Variants in TMEM100 observed in about 807,000 individuals in gnomAD.
TMEM100 encodes the protein transmembrane protein 100.
For missense variants in TMEM100, 137 were observed against 168.2 expected, an observed-to-expected ratio of 0.81 and a Z score of 1.02; for synonymous variants, 61 against 67.1, an observed-to-expected ratio of 0.91 and a Z score of 0.44.
Position 55,721,149 on chromosome 17 carries a change from A to G in TMEM100, c.-65-14T>C. The G allele has an allele frequency of 1.3e-6, 2 of 1,482,132 alleles. No homozygotes were observed. Among genetic ancestry groups the G allele is most frequent in the Non-Finnish European group, 1.8e-6 (2 of 1,101,996 alleles). The allele number at this position is 1,482,132 out of a possible 1,614,324, so 91.8% of individuals were successfully genotyped here. A position where few individuals can be genotyped will look rare whatever the true frequency, so the allele number is the denominator to read the frequency against. The stretch of plus-strand genomic sequence containing the variant: ...CCAGGGTGAAAGCTGTGAAGATAAC[A>G]GGAGATGTCAGCTACATGTATCAGA... On this transcript the variant is annotated splice_polypyrimidine_tract_variant and intron_variant, in intron 1 of 1. Coordinates refer to ENST00000424486, the MANE Select transcript of TMEM100 (RefSeq NM_018286.3).
At chr17:55,722,454 T>G (rs1908924402) in intron 1 of TMEM100, 165 bp downstream of exon 1, 1 of 152,248 alleles carries the variant, frequency 6.6e-6, no homozygotes, top group African/African-American at 2.4e-5. Flanking sequence ...CATGTCATTT[T>G]TAATCACCAA....
chr17:55,725,055 T>C (rs1490979494), upstream of TMEM100, among the ~76,000 whole-genome samples: 1 of 152,244 alleles, frequency 6.6e-6, no homozygotes, highest in Non-Finnish European at 1.5e-5. Flanking sequence ...AAGCAGACAT[T>C]GTATCAGAAG....
intron 1 of TMEM100, 123 bp from the exon 2 acceptor site, chr17:55,721,258 C>T (rs1432023809): frequency 1.6e-6 from 1 of 630,890 alleles, no homozygotes; most frequent in East Asian, 2.9e-5. Flanking sequence ...AGCAACTTTA[C>T]TCTTTTTTTG....
At chr17:55,726,790 T>C (rs1002913709), upstream of TMEM100, among the ~76,000 whole-genome samples, 1 of 152,178 alleles carries the variant, frequency 6.6e-6, no homozygotes. Flanking sequence ...TTTTGGAAAG[T>C]GATCTGTGCT....
chr17:55,729,253 T>C (rs764888811), intron 1 of TMEM100, among the ~76,000 whole-genome samples: 3 of 152,180 alleles, frequency 2.0e-5, no homozygotes, highest in Non-Finnish European at 4.4e-5. Context: ...AATGGGCACC[T>C]GATATTGGCA....
At chr17:55,727,027 C>T (rs1198418121), upstream of TMEM100, among the ~76,000 whole-genome samples, 1 of 152,142 alleles carries the variant, frequency 6.6e-6, no homozygotes, top group Non-Finnish European at 1.5e-5. Context: ...GGGAAACATA[C>T]ATCTTTTAGA....
upstream of TMEM100, among the ~76,000 whole-genome samples, chr17:55,723,901 T>C (rs1476205425): frequency 6.6e-6 from 1 of 152,258 alleles, no homozygotes; most frequent in Non-Finnish European, 1.5e-5. Context: ...AGTGACTTTA[T>C]AGGTTTATGC....
chr17:55,727,929 G>C (rs1007037782), exon 2 of TMEM100: 2 of 152,186 alleles, frequency 1.3e-5, no homozygotes, highest in Non-Finnish European at 2.9e-5. Flanking sequence ...TTAAGTTGCA[G>C]GCTTGGTAAG....
intron 1 of TMEM100, among the ~76,000 whole-genome samples, chr17:55,731,498 T>G (rs953942929): frequency 6.6e-6 from 1 of 152,190 alleles, no homozygotes; most frequent in Non-Finnish European, 1.5e-5. Flanking sequence ...GATACTTCAT[T>G]ATTCTTTTCT....
chr17:55,721,379 G>C (rs1462856645), intron 1 of TMEM100: 2 of 269,286 alleles, frequency 7.4e-6, no homozygotes, highest in African/African-American at 2.2e-5. Context: ...TACCCTGGCG[G>C]TCTACAAAAG....
At position 55,720,954 on chromosome 17, in the gene TMEM100, C is replaced by T; in HGVS notation, c.117G>A (p.Glu39=). The change falls in exon 2 of 2, where the codon GAG becomes GAA. Residue 39 remains glutamate (E), a synonymous_variant. Coordinates refer to ENST00000424486, the MANE Select transcript of TMEM100 (RefSeq NM_018286.3). ...VVITTVPLVS[E]IQLMAATGGT... ...CCCCTGTAGCAGCCATCAACTGAAT[C>T]TCACTGACCAGAGGGACTGTGGTGA... 1 of 1,614,220 alleles carries T rather than the reference C, an allele frequency of 6.2e-7. No individual in the cohort carries two copies. The highest frequency in any genetic ancestry group is 8.5e-7 in the Non-Finnish European group (1 of 1,180,042).
At chr17:55,723,099 T>G (rs1482594394), upstream of TMEM100, 2 of 152,544 alleles carry the variant, frequency 1.3e-5, no homozygotes, top group Admixed American at 6.5e-5. Flanking sequence ...TTTGTGAATT[T>G]GAATGACTCA....
At chr17:55,731,502 C>A (rs1305863862) in intron 1 of TMEM100, among the ~76,000 whole-genome samples, 5 of 152,018 alleles carry the variant, frequency 3.3e-5, no homozygotes, top group African/African-American at 1.2e-4. Context: ...CTTCATTATT[C>A]TTTTCTTAGA....
chr17:55,726,373 C>A (rs1185797867), upstream of TMEM100, among the ~76,000 whole-genome samples: 2 of 152,002 alleles, frequency 1.3e-5, no homozygotes, highest in Admixed American at 1.3e-4. Context: ...ACAAAGAGGT[C>A]ATTTTGCCCA....
At position 55,721,145 on chromosome 17, in the gene TMEM100, T is replaced by C; in HGVS notation, c.-65-10A>G. 1 of 1,497,494 alleles carries C rather than the reference T, an allele frequency of 6.7e-7. No individual in the cohort carries two copies. Among genetic ancestry groups the C allele is most frequent in the Non-Finnish European group, 9.0e-7 (1 of 1,115,076 alleles). 92.8% of individuals were successfully genotyped at this position (1,497,494 alleles called of 1,614,324 possible). On this transcript the variant is annotated splice_polypyrimidine_tract_variant and intron_variant, in intron 1 of 1. Coordinates refer to ENST00000424486, the MANE Select transcript of TMEM100 (RefSeq NM_018286.3). ...CTCACCAGGGTGAAAGCTGTGAAGA[T>C]AACAGGAGATGTCAGCTACATGTAT...
rs1380041053 is a variant in TMEM100 at position 55,720,448 on chromosome 17, T to A, written c.*218A>T. 1.7e-6 allele frequency: 1 copy of A among 587,650 alleles called. No individual in the cohort carries two copies. The highest frequency in any genetic ancestry group is 2.9e-5 in the East Asian group (1 of 34,440). 36.4% of individuals were successfully genotyped at this position (587,650 alleles called of 1,614,324 possible). On this transcript the variant is annotated 3_prime_UTR_variant, in exon 2 of 2. Coordinates refer to ENST00000424486, the MANE Select transcript of TMEM100 (RefSeq NM_018286.3). The stretch of plus-strand genomic sequence containing the variant: ...GTGTTTCATGTAAATAGAAAGCTGA[T>A]TTTTCAGTCTCAGAAGTAGCCCTTA...
At chr17:55,724,841 C>T (rs1909021020), upstream of TMEM100, among the ~76,000 whole-genome samples, 1 of 152,158 alleles carries the variant, frequency 6.6e-6, no homozygotes, top group African/African-American at 2.4e-5. Flanking sequence ...GTGAGTGTGT[C>T]TGTGTCCTAG....
Position 55,721,032 on chromosome 17 carries a change from T to C in TMEM100, c.39A>G (p.Pro13=). 6.2e-7 allele frequency: 1 copy of C among 1,613,728 alleles called. No homozygotes were observed. Among genetic ancestry groups the C allele is most frequent in the Non-Finnish European group, 8.5e-7 (1 of 1,179,818 alleles). ...EEPIKEILGA[P]KAHMAATMEK... ...CCATCGTCGCTGCCATGTGAGCCTT[T>C]GGGGCTCCCAGGATCTCCTTGATGG... The change falls in exon 2 of 2, where the codon CCA becomes CCG. Residue 13 remains proline, a synonymous_variant. Coordinates refer to ENST00000424486, the MANE Select transcript of TMEM100 (RefSeq NM_018286.3).
chr17:55,722,596 G>A (rs2144864476), intron 1 of TMEM100, 23 bp downstream of exon 1: 1 of 152,310 alleles, frequency 6.6e-6, no homozygotes, highest in African/African-American at 2.4e-5. Context: ...ATCAAGATCT[G>A]TCCCCAAATT....
Sources: allele counts gnomAD v4.1 joint callset (sites outside exome capture counted in the v4.1 genomes callset), GRCh38; gene constraint gnomAD v4.1.1; transcripts MANE v1.5; gene names NCBI Gene and HGNC (gene_info 2026-07-23, HGNC 2026-07-21).